Variants in SYCP2L observed in about 807,000 individuals in gnomAD.
SYCP2L encodes synaptonemal complex protein 2-like.
In SYCP2L, 98 loss-of-function variants were observed where a neutral mutation model predicts 125.8. The observed-to-expected ratio is 0.78, with a 90% CI of 0.66 to 0.92. The LOEUF is 0.92. SYCP2L is among the 40% of genes least tolerant of loss of function. The pLI, the probability that SYCP2L is intolerant of heterozygous loss-of-function variation, is 0.00. For missense variants in SYCP2L, 842 were observed against 936.4 expected (o/e 0.90, Z 1.32); for synonymous variants, 317 against 325.4 (o/e 0.97, Z 0.28).
intron 1 of SYCP2L, among the ~76,000 whole-genome samples, chr6:10,887,895 A>T (rs1212436926): frequency 6.6e-6 from 1 of 152,198 alleles, no homozygotes; most frequent in African/African-American, 2.4e-5. Context: ...ACATCAAGCT[A>T]CGCTTAAATT....
chr6:10,959,008 C>A, intron 26 of SYCP2L, 133 bp downstream of exon 26: 1 of 730,444 alleles, frequency 1.4e-6, no homozygotes, highest in Non-Finnish European at 2.3e-6. Context: ...ATCATTTAAC[C>A]CTTCTGGGTT....
In SYCP2L at chr6:10,942,527, A is replaced by G. The variant is rs2113379788; in HGVS notation, c.1882A>G (p.Lys628Glu). ...GCACTCAGAAGATGAAGAAAAACCT[A>G]AGGTACTATTTAATTGTTGGTTATT... ...LKHSEDEEKPKIVNQESLTES... is the reference protein window; with the variant it reads ...LKHSEDEEKPEIVNQESLTES... The change falls in exon 22 of 30, where the codon AAG becomes GAG. Residue 628 changes from lysine (K) to glutamate (E), a missense_variant and splice_region_variant. By Grantham distance (56) the Lys-to-Glu change is moderately conservative (BLOSUM62 1). Transcript: ENST00000283141. The G allele has an allele frequency of 6.2e-7, 1 of 1,602,882 alleles. No homozygotes were observed. The highest frequency in any genetic ancestry group is 8.5e-7 in the Non-Finnish European group (1 of 1,175,402).
At chr6:10,933,905 G>T (rs1165707381) in intron 20 of SYCP2L, among the ~76,000 whole-genome samples, 1 of 152,098 alleles carries the variant, frequency 6.6e-6, no homozygotes, top group Admixed American at 6.6e-5. Flanking sequence ...AATTCTAATT[G>T]TTAGATATTT....
chr6:10,903,094 T>G, intron 8 of SYCP2L, 131 bp downstream of exon 8: 1 of 734,076 alleles, frequency 1.4e-6, no homozygotes, highest in East Asian at 2.7e-5. Flanking sequence ...GTGCACCTAT[T>G]ATGTGTCAGG....
In SYCP2L at chr6:10,936,578, G is replaced by C. The variant is rs145587480; in HGVS notation, c.1813+1391G>C. Reference sequence around the variant, plus strand: ...ACAAAAGAGTAACAATCAACAAAATGGCAATACTAAGTTTTTACCTATCAA... The same window carrying C: ...ACAAAAGAGTAACAATCAACAAAATCGCAATACTAAGTTTTTACCTATCAA... On this transcript the variant is annotated intron_variant, in intron 21 of 29. Transcript: ENST00000283141. 9.3e-4 allele frequency among the ~76,000 whole-genome samples: 142 copies of C among 152,176 alleles called. 1 individual carries two copies. The highest frequency in any genetic ancestry group is 3.2e-3 in the African/African-American group (133 of 41,522).
intron 14 of SYCP2L, among the ~76,000 whole-genome samples, chr6:10,923,016 C>T (rs1388471547): frequency 1.3e-5 from 2 of 152,082 alleles, no homozygotes; most frequent in African/African-American, 4.8e-5. Flanking sequence ...CTTTTGTGTA[C>T]TGAGTCTTCA....
rs779445434 is a variant in SYCP2L at position 10,902,759 on chromosome 6, G to T, written c.549G>T (p.Gln183His). The T allele has an allele frequency of 1.2e-6, 2 of 1,613,984 alleles. No homozygotes were observed. The highest frequency in any genetic ancestry group is 1.7e-6 in the Non-Finnish European group (2 of 1,179,978). Residue 183 changes from glutamine to histidine, a missense_variant, in exon 7 of 30, where the codon CAG (glutamine) becomes CAT (histidine). Coordinates refer to ENST00000283141, the MANE Select transcript of SYCP2L (RefSeq NM_001040274.3). The part of the protein sequence containing the change: ...TEKTVNHLLQ[Q>H]EGLKTFNCIL... ...AGACTGTAAATCATTTGCTTCAACA[G>T]GAGGTGAGTTGCAAGTAACAAAACA...
chr6:10,957,637 A>G (rs1259945133), intron 25 of SYCP2L, among the ~76,000 whole-genome samples: 1 of 152,190 alleles, frequency 6.6e-6, no homozygotes, highest in African/African-American at 2.4e-5. Context: ...ACATAGTGAG[A>G]CCCTGTCTCT....
chr6:10,952,833 G>A (rs1032988163), intron 23 of SYCP2L, among the ~76,000 whole-genome samples: 7 of 151,912 alleles, frequency 4.6e-5, no homozygotes, highest in Admixed American at 6.6e-5. Context: ...TTGAAATGAC[G>A]GGATCCCCCC....
rs561668871 is a variant in SYCP2L at position 10,912,062 on chromosome 6, G to A, written c.919-611G>A. Among the ~76,000 whole-genome samples, 12 of 151,572 alleles carry A rather than the reference G, an allele frequency of 7.9e-5. No individual in the cohort carries two copies. The highest frequency in any genetic ancestry group is 1.8e-4 in the Non-Finnish European group (12 of 67,876). ...GTTGATACATGTCTAGAAAACATCT[G>A]GGAGGAAACAAAGGCATTGTTAATG... On this transcript the variant is annotated intron_variant, in intron 12 of 29. Transcript: ENST00000283141. The surrounding 1 kb of genome is among the most constrained non-coding windows in gnomAD (Gnocchi z 4.1).
intron 29 of SYCP2L, among the ~76,000 whole-genome samples, chr6:10,964,608 T>C (rs1581846617): frequency 6.6e-6 from 1 of 152,172 alleles, no homozygotes; most frequent in East Asian, 1.9e-4. Context: ...TTAAAAAATT[T>C]GGATATCAGA....
At position 10,934,431 on chromosome 6, in the gene SYCP2L, C is replaced by T. The variant is rs138423674; in HGVS notation, c.1684-627C>T. 2.4e-4 allele frequency among the ~76,000 whole-genome samples: 37 copies of T among 152,316 alleles called. No individual in the cohort carries two copies. The East Asian group carries it at 5.4e-3, about 22-fold the overall frequency. On this transcript the variant is annotated intron_variant, in intron 20 of 29. Transcript: ENST00000283141. ...CGGTGGCACATGCCTGTAATCCCAG[C>T]GCTTTGGGAGGCCAAGGCGGGCAGA... is the stretch of plus-strand genomic sequence containing the variant.
rs969641248 is a variant in SYCP2L at position 10,900,348 on chromosome 6, C to A, written c.466+1500C>A. Among the ~76,000 whole-genome samples, 5 of 124,546 alleles carry A rather than the reference C, an allele frequency of 4.0e-5. 1 individual carries two copies. The highest frequency in any genetic ancestry group is 6.0e-5 in the Non-Finnish European group (3 of 49,974). 81.7% of individuals were successfully genotyped at this position (124,546 alleles called of 152,430 possible). A position where few individuals can be genotyped will look rare whatever the true frequency, so the allele number is the denominator to read the frequency against. On this transcript the variant is annotated intron_variant, in intron 6 of 29. Coordinates refer to ENST00000283141, the MANE Select transcript of SYCP2L (RefSeq NM_001040274.3). ...GCCAGAGCCAGAGCTCTTTCTTTTTCTTTTCTTTTCTTTTTTTTTTTTTGA... is the reference window on the plus strand; with the variant it reads ...GCCAGAGCCAGAGCTCTTTCTTTTTATTTTCTTTTCTTTTTTTTTTTTTGA...
rs1416126077 is a variant in SYCP2L at position 10,954,838 on chromosome 6, A to G, written c.1955-278A>G. On this transcript the variant is annotated intron_variant, in intron 23 of 29. Coordinates refer to ENST00000283141, the MANE Select transcript of SYCP2L (RefSeq NM_001040274.3). This position sits in a 1 kb window ranked among gnomAD's most constrained non-coding sequence, Gnocchi z 4.8. ...CTTTTGATGTCTACCATTACTGCTT[A>G]ACTTAGGAACGCTCTGCCTAGTGAG... Among the ~76,000 whole-genome samples the G allele has an allele frequency of 6.6e-6, 1 of 152,214 alleles. No individual in the cohort carries two copies. The highest frequency in any genetic ancestry group is 1.9e-4 in the East Asian group (1 of 5,188).
At chr6:10,898,894 T>A in intron 6 of SYCP2L, 46 bp downstream of exon 6, 2 of 1,145,910 alleles carry the variant, frequency 1.7e-6, no homozygotes, top group South Asian at 1.3e-5. Context: ...TTTTCATTAA[T>A]AGAATATTCT....
intron 19 of SYCP2L, 36 bp downstream of exon 19, chr6:10,930,550 A>C: frequency 6.3e-7 from 1 of 1,584,236 alleles, no homozygotes; most frequent in African/African-American, 1.4e-5. Flanking sequence ...ATCACTTTTC[A>C]AATAGTGATT....
In SYCP2L at chr6:10,942,698, A is replaced by G. The variant is rs115548566; in HGVS notation, c.1906A>G (p.Thr636Ala). 512 of 1,613,720 alleles carry G rather than the reference A, an allele frequency of 3.2e-4. 1 individual carries two copies. In the African/African-American group the frequency reaches 5.8e-3, roughly 18 times the overall value. Residue 636 changes from threonine to alanine, a missense_variant, in exon 23 of 30, where the codon ACA (threonine) becomes GCA (alanine). Thr to Ala is a moderately conservative substitution (Grantham distance 58). Transcript: ENST00000283141. ...KPKIVNQESLTESTSLKHKLR... is the reference protein window; with the variant it reads ...KPKIVNQESLAESTSLKHKLR... ...TAAGATTGTGAACCAAGAATCACTA[A>G]CAGAAAGTACTAGCTTGAAACATAA...
At chr6:10,928,720 T>C (rs1018099702) in intron 18 of SYCP2L, among the ~76,000 whole-genome samples, 10 of 152,144 alleles carry the variant, frequency 6.6e-5, no homozygotes, top group African/African-American at 2.2e-4. Flanking sequence ...AAATTTTTTA[T>C]AGAGATGGAG....
chr6:10,941,390 T>C (rs1219836694), intron 21 of SYCP2L, among the ~76,000 whole-genome samples: 2 of 152,152 alleles, frequency 1.3e-5, no homozygotes, highest in Non-Finnish European at 2.9e-5. Context: ...AGAAAATTTT[T>C]GCCATCTACT....
Sources: allele counts gnomAD v4.1 joint callset (sites outside exome capture counted in the v4.1 genomes callset), GRCh38; gene constraint gnomAD v4.1.1; non-coding constraint Gnocchi (gnomAD v3.1); transcripts MANE v1.5; gene names NCBI Gene and HGNC (gene_info 2026-07-23, HGNC 2026-07-21).